GNAQ: variants seen among roughly 807,000 people sequenced by gnomAD.
GNAQ encodes the protein guanine nucleotide-binding protein G(q) subunit alpha.
A neutral mutation model predicts 43.9 loss-of-function variants in GNAQ; 8 were observed. That is an observed-to-expected ratio of 0.18 (90% CI 0.11 to 0.33). GNAQ has a LOEUF of 0.33. GNAQ is among the 10% of genes least tolerant of loss of function. The pLI is 1.00. For synonymous variants in GNAQ, 155 were observed against 170.7 expected, an observed-to-expected ratio of 0.91 and a Z score of 0.71; for missense variants, 158 against 450.8, an observed-to-expected ratio of 0.35 and a Z score of 5.88.
chr9:77,804,144 C>G (rs1183618190), intron 3 of GNAQ, among the ~76,000 whole-genome samples: 1 of 152,056 alleles, frequency 6.6e-6, no homozygotes, highest in Admixed American at 6.6e-5. Flanking sequence ...AATTTATGCT[C>G]CCATTTGACA....
intron 3 of GNAQ, among the ~76,000 whole-genome samples, chr9:77,811,560 T>G (rs774372716): frequency 2.0e-5 from 3 of 152,186 alleles, no homozygotes; most frequent in Non-Finnish European, 4.4e-5. Flanking sequence ...TTGCCAGTGC[T>G]GTCGTATTTG....
At chr9:77,766,041 A>G (rs1320922284) in intron 5 of GNAQ, among the ~76,000 whole-genome samples, 1 of 152,242 alleles carries the variant, frequency 6.6e-6, no homozygotes, top group African/African-American at 2.4e-5. Context: ...AGTCAAATTC[A>G]TAGAGATAGA....
intron 5 of GNAQ, among the ~76,000 whole-genome samples, chr9:77,746,998 A>G (rs928369702): frequency 6.6e-6 from 1 of 152,248 alleles, no homozygotes; most frequent in Admixed American, 6.5e-5. Context: ...AAACTGATTG[A>G]TTTTTAAACT....
chr9:77,756,526 T>A (rs946821189), intron 5 of GNAQ, among the ~76,000 whole-genome samples: 10 of 152,204 alleles, frequency 6.6e-5, no homozygotes, highest in African/African-American at 2.4e-4. Context: ...AGTAAGTTCT[T>A]ACAAATGGAA....
chr9:77,842,169 A>G (rs1190210302), intron 2 of GNAQ, among the ~76,000 whole-genome samples: 2 of 152,254 alleles, frequency 1.3e-5, no homozygotes, highest in African/African-American at 4.8e-5. Flanking sequence ...CATCAGAGCT[A>G]CAACTCCCAT....
chr9:77,823,640 G>C (rs1221252426), intron 2 of GNAQ, among the ~76,000 whole-genome samples: 2 of 152,190 alleles, frequency 1.3e-5, no homozygotes, highest in Non-Finnish European at 2.9e-5. Flanking sequence ...GGAAGGTGAA[G>C]GGGAAGCAAG....
chr9:77,721,320 C>A lies in GNAQ; in HGVS notation c.*3G>T. 6.3e-7 allele frequency: 1 copy of A among 1,599,972 alleles called. No homozygotes were observed. The highest frequency in any genetic ancestry group is 8.5e-7 in the Non-Finnish European group (1 of 1,171,568). On this transcript the variant is annotated 3_prime_UTR_variant, in exon 7 of 7. Coordinates refer to ENST00000286548, the MANE Select transcript of GNAQ (RefSeq NM_002072.5). ...GGGCAGGGCGGGTGTCTAGGAGGCA[C>A]AATTAGACCAGATTGTACTCCTTCA...
intron 2 of GNAQ, among the ~76,000 whole-genome samples, chr9:77,862,168 G>A (rs571802202): frequency 6.6e-6 from 1 of 152,092 alleles, no homozygotes; most frequent in Non-Finnish European, 1.5e-5. Flanking sequence ...GCAAGCTCTC[G>A]GTGAATCTAC....
intron 2 of GNAQ, among the ~76,000 whole-genome samples, chr9:77,895,745 C>T (rs1007302160): frequency 6.6e-6 from 1 of 152,092 alleles, no homozygotes; most frequent in South Asian, 2.1e-4. Context: ...GCAGGAGGGA[C>T]CTGGTGGGAG....
At chr9:77,821,646 G>T (rs1380655721) in intron 2 of GNAQ, among the ~76,000 whole-genome samples, 1 of 151,270 alleles carries the variant, frequency 6.6e-6, no homozygotes, top group Non-Finnish European at 1.5e-5. Context: ...TAAAATCTTG[G>T]GGTACAATTT....
chr9:77,816,630 C>T (rs1242904587), intron 2 of GNAQ, among the ~76,000 whole-genome samples: 2 of 152,002 alleles, frequency 1.3e-5, no homozygotes, highest in Non-Finnish European at 2.9e-5. Context: ...TATACACACA[C>T]AAAGTATATA....
At position 77,719,147 on chromosome 9, in the gene GNAQ, A is replaced by G. The variant is rs1825271135; in HGVS notation, c.*2176T>C. 1 of 231,924 alleles carries G rather than the reference A, an allele frequency of 4.3e-6. No homozygotes were observed. Among genetic ancestry groups the G allele is most frequent in the South Asian group, 1.8e-4 (1 of 5,520 alleles). The allele number at this position is 231,924 out of a possible 1,614,324, so 14.4% of individuals were successfully genotyped here. A position where few individuals can be genotyped will look rare whatever the true frequency, so the allele number is the denominator to read the frequency against. ...TTTTTTTCTTCTTTTCTAAATGGAAAGAAAATATCCCTAGTCAGAAATAAA... is the reference window on the plus strand; with the variant it reads ...TTTTTTTCTTCTTTTCTAAATGGAAGGAAAATATCCCTAGTCAGAAATAAA... On this transcript the variant is annotated 3_prime_UTR_variant, in exon 7 of 7. Transcript: ENST00000286548.
intron 6 of GNAQ, among the ~76,000 whole-genome samples, chr9:77,727,069 T>C (rs545225695): frequency 1.4e-4 from 21 of 150,626 alleles, no homozygotes; most frequent in Admixed American, 2.7e-4. Flanking sequence ...GATGTGATTA[T>C]CTTGCCAAAT....
At chr9:77,846,110 C>T (rs1054626148) in intron 2 of GNAQ, among the ~76,000 whole-genome samples, 4 of 152,202 alleles carry the variant, frequency 2.6e-5, no homozygotes, top group African/African-American at 7.2e-5. Flanking sequence ...AGTTCACAAA[C>T]GTGCTGTTTG....
chr9:77,976,138 T>A (rs1281618968), intron 1 of GNAQ, among the ~76,000 whole-genome samples: 1 of 152,266 alleles, frequency 6.6e-6, no homozygotes, highest in African/African-American at 2.4e-5. Context: ...TGCAGTTGTT[T>A]TAACTTTTTG....
At chr9:77,929,771 A>G (rs1030671246) in intron 1 of GNAQ, among the ~76,000 whole-genome samples, 1 of 152,200 alleles carries the variant, frequency 6.6e-6, no homozygotes, top group African/African-American at 2.4e-5. Flanking sequence ...CGAAAGCTGC[A>G]GTGAACAGAG....
At chr9:77,924,612 T>A (rs946963261) in intron 1 of GNAQ, among the ~76,000 whole-genome samples, 1 of 152,136 alleles carries the variant, frequency 6.6e-6, no homozygotes, top group Non-Finnish European at 1.5e-5. Flanking sequence ...TGTGTTTAAA[T>A]GAAATCACGT....
chr9:77,883,239 C>T (rs991867153), intron 2 of GNAQ, among the ~76,000 whole-genome samples: 2 of 152,066 alleles, frequency 1.3e-5, no homozygotes, highest in South Asian at 4.1e-4. Flanking sequence ...CCAGTGTGTC[C>T]CCAGCTAGCC....
At chr9:77,860,990 A>G (rs1827841518) in intron 2 of GNAQ, among the ~76,000 whole-genome samples, 1 of 152,170 alleles carries the variant, frequency 6.6e-6, no homozygotes, top group Non-Finnish European at 1.5e-5. Flanking sequence ...CCGAGGCTGG[A>G]TGTATTAGTC....
Sources: allele counts gnomAD v4.1 joint callset (sites outside exome capture counted in the v4.1 genomes callset), GRCh38; gene constraint gnomAD v4.1.1; transcripts MANE v1.5; gene names NCBI Gene and HGNC (gene_info 2026-07-23, HGNC 2026-07-21).